Variants in UBOX5 observed in about 807,000 individuals in gnomAD.
UBOX5 encodes the protein RING finger protein 37.
A neutral mutation model predicts 39.0 loss-of-function variants in UBOX5; 28 were observed. The ratio of observed to expected loss-of-function variants is 0.72; its 90% CI spans 0.53 to 0.98. UBOX5 has a LOEUF of 0.98. UBOX5 is among the 50% of genes least tolerant of loss of function. The pLI is 0.00. For missense variants in UBOX5, 585 were observed against 674.4 expected, an observed-to-expected ratio of 0.87 and a Z score of 1.47; for synonymous variants, 283 against 275.5, an observed-to-expected ratio of 1.03 and a Z score of -0.27.
chr20:3,137,958 A>G (rs936055028), intron 1 of UBOX5, among the ~76,000 whole-genome samples: 7 of 152,232 alleles, frequency 4.6e-5, no homozygotes, highest in African/African-American at 1.7e-4. Flanking sequence ...AATGATAAAT[A>G]TAACTATGCA....
rs541353486 is a variant in UBOX5, at chr20:3,107,909, G to A, written c.*2197C>T. On this transcript the variant is annotated 3_prime_UTR_variant, in exon 5 of 5. Transcript: ENST00000217173. This position sits in a 1 kb window ranked among gnomAD's most constrained non-coding sequence, Gnocchi z 5.0. ...AGTCCGGCCCTCATCTGGGAGCGCC[G>A]TGCTGACGCTGACTGCACGCTAGGG... 3.3e-5 allele frequency: 5 copies of A among 152,372 alleles called. No homozygotes were observed. Among genetic ancestry groups the A allele is most frequent in the Admixed American group, 6.5e-5 (1 of 15,296 alleles). The allele number at this position is 152,372 out of a possible 1,614,324, so 9.4% of individuals were successfully genotyped here. A position where few individuals can be genotyped will look rare whatever the true frequency, so the allele number is the denominator to read the frequency against.
chr20:3,111,201 T>TG (rs1156374337), intron 4 of UBOX5, among the ~76,000 whole-genome samples: 1 of 152,230 alleles, frequency 6.6e-6, no homozygotes, highest in Non-Finnish European at 1.5e-5. Context: ...TGACAGGGGA[T>TG]GGGCTTGCCT....
chr20:3,144,196 T>A (rs2066541360), intron 1 of UBOX5, among the ~76,000 whole-genome samples: 1 of 152,178 alleles, frequency 6.6e-6, no homozygotes, highest in South Asian at 2.1e-4. Flanking sequence ...AAAATTCATA[T>A]GGAAGTGCAA....
At chr20:3,153,606 C>T (rs1259137451) in intron 1 of UBOX5, among the ~76,000 whole-genome samples, 5 of 152,048 alleles carry the variant, frequency 3.3e-5, no homozygotes, top group Non-Finnish European at 7.4e-5. Flanking sequence ...GTTCGGGGGG[C>T]AGTACGGGGT....
At chr20:3,128,508 G>A (rs1490501923) in intron 1 of UBOX5, among the ~76,000 whole-genome samples, 1 of 152,116 alleles carries the variant, frequency 6.6e-6, no homozygotes, top group Non-Finnish European at 1.5e-5. Flanking sequence ...GACTTGAGAG[G>A]GTTTTCTTTT....
intron 3 of UBOX5, among the ~76,000 whole-genome samples, chr20:3,116,031 A>C (rs2066291581): frequency 6.6e-6 from 1 of 152,206 alleles, no homozygotes; most frequent in African/African-American, 2.4e-5. Flanking sequence ...CCGGGATTAC[A>C]GGCGTGAGCC....
intron 3 of UBOX5, among the ~76,000 whole-genome samples, chr20:3,117,040 G>A (rs1356435205): frequency 6.6e-6 from 1 of 151,716 alleles, no homozygotes; most frequent in Non-Finnish European, 1.5e-5. Context: ...AGGTTGCAGT[G>A]AGCCATAATC....
chr20:3,115,201 G>T, intron 4 of UBOX5, 104 bp downstream of exon 4: 2 of 1,406,256 alleles, frequency 1.4e-6, no homozygotes. Flanking sequence ...GGGGAGGCTG[G>T]CCAGGCAGGT....
chr20:3,111,399 A>G (rs1184065243), intron 4 of UBOX5, among the ~76,000 whole-genome samples: 1 of 152,070 alleles, frequency 6.6e-6, no homozygotes, highest in East Asian at 1.9e-4. Context: ...TGTCTTCTCA[A>G]TCTGTCCTCA....
At chr20:3,152,362 T>A (rs2066638319) in intron 1 of UBOX5, among the ~76,000 whole-genome samples, 1 of 151,454 alleles carries the variant, frequency 6.6e-6, no homozygotes, top group Non-Finnish European at 1.5e-5. Flanking sequence ...GCGCCTGCAA[T>A]TGCAGCTGGG....
chr20:3,147,270 A>C, intron 1 of UBOX5: 1 of 1,614,210 alleles, frequency 6.2e-7, no homozygotes, highest in Non-Finnish European at 8.5e-7. Context: ...TTAAATGGTA[A>C]TGGCTTCAGG....
Position 3,109,758 on chromosome 20 carries a change from AC to A in UBOX5, c.*347del. On this transcript the variant is annotated 3_prime_UTR_variant, in exon 5 of 5. Transcript: ENST00000217173. ...TCTGGGCCACAATCTAGGGTGAGCC[AC>A]CCACAGTGCCCTGCTGGACAGGGGG... is the stretch of plus-strand genomic sequence containing the variant. 6.1e-6 allele frequency: 2 copies of A among 326,878 alleles called. No homozygotes were observed. Among genetic ancestry groups the A allele is most frequent in the South Asian group, 6.5e-5 (2 of 30,716 alleles). 20.2% of individuals were successfully genotyped at this position (326,878 alleles called of 1,614,324 possible).
intron 1 of UBOX5, chr20:3,147,550 C>T (rs747723817): frequency 6.2e-7 from 1 of 1,614,190 alleles, no homozygotes; most frequent in Non-Finnish European, 8.5e-7. Flanking sequence ...GGAGGTCAAA[C>T]TTAGTTCTCT....
intron 3 of UBOX5, among the ~76,000 whole-genome samples, chr20:3,120,670 C>T (rs988559772): frequency 3.0e-4 from 45 of 151,092 alleles, no homozygotes; most frequent in African/African-American, 9.7e-4. Flanking sequence ...AAGATTGTTG[C>T]AATTTTACCT....
chr20:3,136,446 C>A (rs2066473145), intron 1 of UBOX5, among the ~76,000 whole-genome samples: 1 of 151,924 alleles, frequency 6.6e-6, no homozygotes, highest in Admixed American at 6.6e-5. Flanking sequence ...CTCCACCTCC[C>A]AGGTTCAAGC....
intron 3 of UBOX5, among the ~76,000 whole-genome samples, chr20:3,120,926 A>C (rs1222161104): frequency 6.6e-6 from 1 of 152,128 alleles, no homozygotes; most frequent in Non-Finnish European, 1.5e-5. Context: ...TGACGGTTAG[A>C]AATAACACCC....
intron 1 of UBOX5, among the ~76,000 whole-genome samples, chr20:3,132,232 C>T (rs1025980475): frequency 1.4e-4 from 22 of 151,788 alleles, no homozygotes; most frequent in African/African-American, 5.1e-4. Context: ...ATCACTTGAG[C>T]CCAGGAGGCA....
chr20:3,154,899 T>C lies in UBOX5; in HGVS notation c.-42+4867A>G, dbSNP rs2066667965. Among the ~76,000 whole-genome samples, 8 of 151,322 alleles carry C rather than the reference T, an allele frequency of 5.3e-5. No homozygotes were observed. The South Asian group carries it at 1.7e-3, about 32-fold the overall frequency. The stretch of plus-strand genomic sequence containing the variant: ...AGCCTCAAAGTCCATAATAAAGAAG[T>C]ACAATTGGACAGGTGTGGTGGCTCA... On this transcript the variant is annotated intron_variant, in intron 1 of 4. Transcript: ENST00000217173.
At chr20:3,128,754 T>A (rs1468527397) in intron 1 of UBOX5, among the ~76,000 whole-genome samples, 4 of 152,012 alleles carry the variant, frequency 2.6e-5, no homozygotes, top group African/African-American at 9.7e-5. Flanking sequence ...TCCCAGCTAC[T>A]TGGGAGGCGG....
Sources: gnomAD v4.1 joint callset for allele counts (sites outside exome capture counted in the v4.1 genomes callset) on GRCh38, gnomAD v4.1.1 for gene constraint, Gnocchi (gnomAD v3.1) non-coding constraint, MANE v1.5 for transcripts, NCBI Gene and HGNC (gene_info 2026-07-23, HGNC 2026-07-21) for gene names.